Variants in GPANK1 observed in about 807,000 individuals in gnomAD.
GPANK1 encodes the protein G patch domain and ankyrin repeat-containing protein 1.
In GPANK1, 22 loss-of-function variants were observed where a neutral mutation model predicts 24.0. That is an observed-to-expected ratio of 0.92 (90% CI 0.66 to 1.31). GPANK1 has a LOEUF of 1.31. Ranked by LOEUF, GPANK1 falls within the 50% of genes most tolerant of loss-of-function variation. GPANK1 has a pLI of 0.00. For synonymous variants in GPANK1, 174 were observed against 177.4 expected (o/e 0.98, Z 0.15); for missense variants, 469 against 453.5 (o/e 1.03, Z -0.31).
In GPANK1 at chr6:31,662,318, T is replaced by C; in HGVS notation, c.1019A>G (p.Lys340Arg). Residue 340 changes from lysine (K) to arginine (R), a missense_variant, in exon 3 of 3, where the codon AAA (lysine) becomes AGA (arginine). Coordinates refer to ENST00000375896, the MANE Select transcript of GPANK1 (RefSeq NM_033177.4). The surrounding 1 kb of genome is among the most constrained non-coding windows in gnomAD (Gnocchi z 5.5). ...SWREERRREEKDRAWERDLRT... is the reference protein window; with the variant it reads ...SWREERRREERDRAWERDLRT... The stretch of plus-strand genomic sequence containing the variant: ...TAGATCCCGCTCCCAAGCCCTGTCT[T>C]TCTCCTCCCTCCTTCTCTCCTCCCT... The C allele has an allele frequency of 6.3e-6, 10 of 1,591,534 alleles. No homozygotes were observed. The highest frequency in any genetic ancestry group is 8.6e-6 in the Non-Finnish European group (10 of 1,166,946).
In GPANK1 at chr6:31,663,986, G is replaced by A. The variant is rs570286986; in HGVS notation, c.493C>T (p.Arg165Cys). Residue 165 changes from arginine to cysteine, a missense_variant, in exon 2 of 3, where the codon CGT (arginine) becomes TGT (cysteine). By Grantham distance (180) the Arg-to-Cys change is radical. Transcript: ENST00000375896. ...QGAAVSYLLG[R>C]GAAWVGVCEL... ...CAGACCCCCACCCAGGCAGCCCCAC[G>A]GCCCAGGAGATAGCTCACAGCTGCC... is the stretch of plus-strand genomic sequence containing the variant. 8 of 1,613,912 alleles carry A rather than the reference G, an allele frequency of 5.0e-6. No individual in the cohort carries two copies. The highest frequency in any genetic ancestry group is 1.6e-4 in the Middle Eastern group (1 of 6,084).
At chr6:31,665,703 C>T, upstream of GPANK1, 1 of 808,754 alleles carries the variant, frequency 1.2e-6, no homozygotes, top group Non-Finnish European at 1.9e-6. Context: ...AGGCCAGTCC[C>T]CTGGGCAGCA....
chr6:31,666,112 C>A (rs987886261), upstream of GPANK1: 4 of 993,400 alleles, frequency 4.0e-6, no homozygotes, highest in Non-Finnish European at 4.8e-6. Flanking sequence ...CTTCGCCTGC[C>A]GCGGTCGGGT....
chr6:31,666,247 C>A, upstream of GPANK1: 1 of 957,300 alleles, frequency 1.0e-6, no homozygotes, highest in Non-Finnish European at 1.2e-6. Flanking sequence ...TCCCTTGTCG[C>A]TGGGAGCGGC....
In GPANK1 at chr6:31,663,151, G is replaced by A. The variant is rs150818142; in HGVS notation, c.627-441C>T. On this transcript the variant is annotated intron_variant, in intron 2 of 2. Coordinates refer to ENST00000375896, the MANE Select transcript of GPANK1 (RefSeq NM_033177.4). ...ATATGCTTGAGCCCAGGAAGCGGAG[G>A]TTGCAGTGAGCTGAAATCACACCAT... The A allele has an allele frequency of 6.4e-3, 975 of 152,064 alleles. 15 individuals are homozygous for A. The highest frequency in any genetic ancestry group is 0.023 in the African/African-American group (915 of 39,814). 9.4% of individuals were successfully genotyped at this position (152,064 alleles called of 1,614,324 possible).
At chr6:31,666,158 T>C, upstream of GPANK1, 1 of 990,940 alleles carries the variant, frequency 1.0e-6, no homozygotes, top group Non-Finnish European at 1.2e-6. Flanking sequence ...CGCCGTTCCC[T>C]GGAAGTAGCA....
At chr6:31,665,460 A>G, upstream of GPANK1, 1 of 1,569,980 alleles carries the variant, frequency 6.4e-7, no homozygotes, top group Non-Finnish European at 8.6e-7. Flanking sequence ...GGAGAAGTGC[A>G]AAGGGACGAG....
intron 2 of GPANK1, chr6:31,663,193 C>A (rs1041097567): frequency 7.9e-6 from 1 of 125,830 alleles, no homozygotes; most frequent in Non-Finnish European, 1.5e-5. Flanking sequence ...CCAGCCTGGG[C>A]GACAGAGTGA....
In GPANK1 at chr6:31,663,853, C is replaced by T. The variant is rs1403519798; in HGVS notation, c.626G>A (p.Arg209Gln). The change falls in exon 2 of 3, where the codon CGG becomes CAG. Residue 209 changes from arginine (R) to glutamine (Q), a missense_variant and splice_region_variant. Physicochemically the swap from Arg to Gln is conservative, Grantham distance 43. Coordinates refer to ENST00000375896, the MANE Select transcript of GPANK1 (RefSeq NM_033177.4). ...GGTCTGAGCTAAAGTTTCCCCTTAC[C>T]GGTTTTCCGGGCTCCTTGTCTCTCC... is the stretch of plus-strand genomic sequence containing the variant. ...SHGETRSPEN[R>Q]SPTPSLQYCE... 5.8e-6 allele frequency: 9 copies of T among 1,545,418 alleles called. No homozygotes were observed. Among genetic ancestry groups the T allele is most frequent in the East Asian group, 2.3e-5 (1 of 44,336 alleles).
At chr6:31,666,217 G>C (rs1030942354), upstream of GPANK1, 2 of 990,774 alleles carry the variant, frequency 2.0e-6, no homozygotes, top group Non-Finnish European at 2.4e-6. Flanking sequence ...CGGTGAGTCT[G>C]AAGTCGTCGC....
At chr6:31,665,609 G>C, upstream of GPANK1, 1 of 1,053,558 alleles carries the variant, frequency 9.5e-7, no homozygotes, top group South Asian at 1.4e-5. Flanking sequence ...GGAGGAAACA[G>C]TATGCCCGTC....
At chr6:31,665,797 C>G, upstream of GPANK1, 1 of 1,169,052 alleles carries the variant, frequency 8.6e-7, no homozygotes. Context: ...CGCCCTAAGT[C>G]AGCCTCTTCA....
chr6:31,661,240 A>G lies in GPANK1; in HGVS notation c.*1026T>C. 8.2e-6 allele frequency: 1 copy of G among 122,614 alleles called. No individual in the cohort carries two copies. Among genetic ancestry groups the G allele is most frequent in the East Asian group, 2.4e-4 (1 of 4,154 alleles). 7.6% of individuals were successfully genotyped at this position (122,614 alleles called of 1,614,324 possible). A position where few individuals can be genotyped will look rare whatever the true frequency, so the allele number is the denominator to read the frequency against. On this transcript the variant is annotated 3_prime_UTR_variant, in exon 3 of 3. Coordinates refer to ENST00000375896, the MANE Select transcript of GPANK1 (RefSeq NM_033177.4). ...AAGTGTAGACAAATGGGTGGAACAA[A>G]GAAGTTTAAAGTTTAGATTTGGGGG...
rs939911930 is a variant in GPANK1, at chr6:31,663,854, G to T, written c.625C>A (p.Arg209=). ...SHGETRSPEN[R]SPTPSLQYCE... ...GTCTGAGCTAAAGTTTCCCCTTACC[G>T]GTTTTCCGGGCTCCTTGTCTCTCCA... The change falls in exon 2 of 3, where the codon CGG becomes AGG. Residue 209 remains arginine, a splice_region_variant and synonymous_variant. Transcript: ENST00000375896. The T allele has an allele frequency of 1.3e-6, 2 of 1,546,572 alleles. No individual in the cohort carries two copies. Among genetic ancestry groups the T allele is most frequent in the African/African-American group, 2.8e-5 (2 of 72,496 alleles).
chr6:31,665,324 G>C, upstream of GPANK1: 1 of 904,152 alleles, frequency 1.1e-6, no homozygotes, highest in East Asian at 2.6e-5. Context: ...GTTAGGAAAG[G>C]CCCTCAGGAG....
chr6:31,663,241 A>AAT (rs1801135818), intron 2 of GPANK1: 1 of 153,216 alleles, frequency 6.5e-6, no homozygotes, highest in African/African-American at 2.4e-5. Flanking sequence ...AAAAAAAAAA[A>AAT]AAAAGGGACA....
At position 31,664,160 on chromosome 6, in the gene GPANK1, G is replaced by T. The variant is rs570826260; in HGVS notation, c.319C>A (p.Arg107=). 1.2e-5 allele frequency: 19 copies of T among 1,614,084 alleles called. No individual in the cohort carries two copies. Among genetic ancestry groups the T allele is most frequent in the Non-Finnish European group, 1.5e-5 (18 of 1,180,032 alleles). Residue 107 remains arginine, a synonymous_variant, in exon 2 of 3, where the codon CGG becomes AGG. Transcript: ENST00000375896. ...SLEAEDKMTH[R]ILRAAQEGDL... is the part of the protein sequence containing the mutation. ...CCCTCCTGGGCTGCCCTCAGTATCC[G>T]GTGAGTCATCTTATCCTCAGCCTCA...
rs1334203723 is a variant in GPANK1, at chr6:31,664,116, C to T, written c.363G>A (p.Arg121=). The T allele has an allele frequency of 2.1e-5, 34 of 1,614,128 alleles. No homozygotes were observed. Among genetic ancestry groups the T allele is most frequent in the Non-Finnish European group, 2.8e-5 (33 of 1,180,050 alleles). Reference sequence around the variant, plus strand: ...CTGCCTCATGCGGTTCCAGCAGTCTCCTAAGTTCTGGCAGGTCCCCCTCCT... The same window carrying T: ...CTGCCTCATGCGGTTCCAGCAGTCTTCTAAGTTCTGGCAGGTCCCCCTCCT... ...AAQEGDLPEL[R]RLLEPHEAGG... The change falls in exon 2 of 3, where the codon AGG becomes AGA. Residue 121 remains arginine, a synonymous_variant. Coordinates refer to ENST00000375896, the MANE Select transcript of GPANK1 (RefSeq NM_033177.4).
At chr6:31,665,445 G>T, upstream of GPANK1, 1 of 1,566,792 alleles carries the variant, frequency 6.4e-7, no homozygotes, top group East Asian at 2.4e-5. Context: ...AGCCTAAGGG[G>T]AAATGGAGAA....
Sources: allele counts gnomAD v4.1 joint callset, GRCh38; gene constraint gnomAD v4.1.1; non-coding constraint Gnocchi (gnomAD v3.1); transcripts MANE v1.5; gene names NCBI Gene and HGNC (gene_info 2026-07-23, HGNC 2026-07-21).